Variants in FIG4 observed in about 807,000 individuals in gnomAD.
FIG4 encodes the protein FIG4 phosphoinositide 5-phosphatase, also known as polyphosphoinositide phosphatase.
A neutral mutation model predicts 118.6 loss-of-function variants in FIG4; 112 were observed. That is an observed-to-expected ratio of 0.94 (90% CI 0.81 to 1.11). The LOEUF (loss-of-function observed/expected upper bound fraction) is 1.11. Among genes scored for constraint, FIG4 ranks in the 50% least tolerant of loss-of-function variants. The probability of loss-of-function intolerance (pLI) is 0.00; values close to 1 mark genes in which losing one functional copy is unlikely to be tolerated. For missense variants in FIG4, 969 were observed against 1,111.7 expected (o/e 0.87, Z 1.83); for synonymous variants, 369 against 381.2 (o/e 0.97, Z 0.37).
chr6:109,784,083 G>A (rs1777883493), intron 16 of FIG4, among the ~76,000 whole-genome samples: 1 of 151,974 alleles, frequency 6.6e-6, no homozygotes, highest in African/African-American at 2.4e-5. Flanking sequence ...TTTTTAGAAA[G>A]CCTTTCATTT....
intron 10 of FIG4, 68 bp from the exon 11 acceptor site, chr6:109,760,182 A>G (rs1777058832): frequency 7.2e-7 from 1 of 1,388,238 alleles, no homozygotes; most frequent in African/African-American, 1.4e-5. Context: ...CTTAAAAGTA[A>G]ACATGTTGAG....
At chr6:109,794,152 A>C (rs940868752) in intron 21 of FIG4, among the ~76,000 whole-genome samples, 3 of 152,246 alleles carry the variant, frequency 2.0e-5, no homozygotes, top group Non-Finnish European at 4.4e-5. Context: ...TGATATTCTG[A>C]AGATAATACC....
At chr6:109,794,634 G>A (rs546880191) in intron 21 of FIG4, among the ~76,000 whole-genome samples, 5 of 152,234 alleles carry the variant, frequency 3.3e-5, no homozygotes, top group Admixed American at 6.5e-5. Context: ...AGGCTCTGGA[G>A]CTTTCTTAGT....
intron 1 of FIG4, among the ~76,000 whole-genome samples, chr6:109,692,803 AAGTTCTCGCACC>A (rs1285567739): frequency 2.0e-5 from 3 of 151,856 alleles, no homozygotes; most frequent in Admixed American, 6.6e-5. Flanking sequence ...CAGGTTCAAG[AAGTTCTCGCACC>A]CCAGCCTCCC....
intron 5 of FIG4, among the ~76,000 whole-genome samples, chr6:109,734,530 AAG>A (rs1345014645): frequency 7.3e-5 from 11 of 151,350 alleles, no homozygotes; most frequent in Non-Finnish European, 1.2e-4. Context: ...TATATATATA[AAG>A]AGAGCTAGAG....
intron 1 of FIG4, among the ~76,000 whole-genome samples, chr6:109,709,061 C>G (rs1282589086): frequency 6.6e-6 from 1 of 152,056 alleles, no homozygotes; most frequent in Non-Finnish European, 1.5e-5. Context: ...AATGGTATTG[C>G]CTATATTGTC....
chr6:109,721,020 A>G (rs1405207600), intron 3 of FIG4, among the ~76,000 whole-genome samples: 2 of 152,050 alleles, frequency 1.3e-5, no homozygotes, highest in African/African-American at 2.4e-5. Flanking sequence ...GCTCCTTTTG[A>G]TACACAGCCC....
chr6:109,724,287 CAT>C (rs1775716293), intron 3 of FIG4, among the ~76,000 whole-genome samples: 1 of 152,152 alleles, frequency 6.6e-6, no homozygotes, highest in African/African-American at 2.4e-5. Context: ...CCTGGGATTC[CAT>C]TAACTAATAT....
intron 3 of FIG4, among the ~76,000 whole-genome samples, chr6:109,724,130 C>G (rs1170101928): frequency 2.0e-5 from 3 of 151,912 alleles, no homozygotes; most frequent in Non-Finnish European, 4.4e-5. Flanking sequence ...GAGGAGGTTC[C>G]ACGAACAAAC....
At chr6:109,741,338 T>C in intron 7 of FIG4, 106 bp from the exon 8 acceptor site, 1 of 811,606 alleles carries the variant, frequency 1.2e-6, no homozygotes, top group South Asian at 1.3e-5. Flanking sequence ...TGGTGTTCTT[T>C]AAGCCATTGG....
chr6:109,755,342 G>T (rs964338354), intron 10 of FIG4, among the ~76,000 whole-genome samples: 1 of 152,188 alleles, frequency 6.6e-6, no homozygotes, highest in Non-Finnish European at 1.5e-5. Context: ...TTGCTGAGGA[G>T]AACTTTGCTT....
intron 21 of FIG4, among the ~76,000 whole-genome samples, chr6:109,794,842 G>T (rs1778232681): frequency 6.6e-6 from 1 of 152,172 alleles, no homozygotes; most frequent in Non-Finnish European, 1.5e-5. Context: ...AGTGGAGAAG[G>T]GAAGCCACAC....
intron 22 of FIG4, among the ~76,000 whole-genome samples, chr6:109,809,846 C>A (rs1312334634): frequency 6.6e-6 from 1 of 152,128 alleles, no homozygotes; most frequent in African/African-American, 2.4e-5. Context: ...ATCTTACTTC[C>A]CTGAAAGATT....
rs374918909 is a variant in FIG4, at chr6:109,809,396, G to A, written c.2546+12545G>A. Reference sequence around the variant, plus strand: ...GAAGTTGTTTATGCTATCATGTGTTGGGTTTGTTATTTTAATAATTATTTT... The same window carrying A: ...GAAGTTGTTTATGCTATCATGTGTTAGGTTTGTTATTTTAATAATTATTTT... On this transcript the variant is annotated intron_variant, in intron 22 of 22. Transcript: ENST00000230124. Among the ~76,000 whole-genome samples the A allele has an allele frequency of 8.5e-5, 13 of 152,066 alleles. No homozygotes were observed. In the East Asian group the frequency reaches 1.9e-3, roughly 23 times the overall value.
chr6:109,751,392 C>T (rs1438148790), intron 10 of FIG4, among the ~76,000 whole-genome samples: 1 of 152,152 alleles, frequency 6.6e-6, no homozygotes. Flanking sequence ...TGTTGTGTCT[C>T]TGCCAGGTTT....
chr6:109,750,445 G>A (rs986890545), intron 10 of FIG4, among the ~76,000 whole-genome samples: 2 of 152,134 alleles, frequency 1.3e-5, no homozygotes, highest in Non-Finnish European at 2.9e-5. Context: ...AGCAGACTGG[G>A]CAGCATAGGA....
intron 1 of FIG4, among the ~76,000 whole-genome samples, chr6:109,707,759 G>A (rs9386835): frequency 0.087 from 13,144 of 151,886 alleles, 926 homozygotes; most frequent in African/African-American, 0.19. Flanking sequence ...ATGTCCAATA[G>A]TAAATGGCAC....
intron 1 of FIG4, among the ~76,000 whole-genome samples, chr6:109,705,324 G>C (rs1775030522): frequency 6.6e-6 from 1 of 152,178 alleles, no homozygotes; most frequent in East Asian, 1.9e-4. Flanking sequence ...GAAAGTGGAT[G>C]GTCAGCTGCC....
chr6:109,716,103 C>T (rs1483293711), intron 2 of FIG4, among the ~76,000 whole-genome samples: 2 of 152,160 alleles, frequency 1.3e-5, no homozygotes, highest in East Asian at 1.9e-4. Context: ...TGGGCCTTCT[C>T]GTTAAAGATG....
Sources: allele counts gnomAD v4.1 joint callset (sites outside exome capture counted in the v4.1 genomes callset), GRCh38; gene constraint gnomAD v4.1.1; transcripts MANE v1.5; gene names NCBI Gene and HGNC (gene_info 2026-07-23, HGNC 2026-07-21).